Variants in PTPRQ observed in about 807,000 individuals in gnomAD.
PTPRQ encodes the protein phosphatidylinositol phosphatase PTPRQ.
PTPRQ carries 199 observed loss-of-function variants against 246.0 expected under a neutral mutation model. That is an observed-to-expected ratio of 0.81 (90% CI 0.72 to 0.91). The LOEUF (loss-of-function observed/expected upper bound fraction) is 0.91, where lower values mean the gene tolerates loss of function less well. PTPRQ is among the 40% of genes least tolerant of loss of function. PTPRQ has a pLI of 0.00. For synonymous variants in PTPRQ, 869 were observed against 853.2 expected (o/e 1.02, Z -0.32); for missense variants, 2,624 against 2,528.4 (o/e 1.04, Z -0.81).
intron 25 of PTPRQ, chr12:80,561,705 C>G (rs538633170): frequency 6.6e-6 from 1 of 152,240 alleles, no homozygotes; most frequent in African/African-American, 2.4e-5. Context: ...TTGAGATTCT[C>G]TGCGTAGAAA....
chr12:80,494,367 T>C (rs576552500), intron 10 of PTPRQ, among the ~76,000 whole-genome samples: 150 of 152,192 alleles, frequency 9.9e-4, no homozygotes, highest in Non-Finnish European at 2.0e-3. Flanking sequence ...TTGTCAGTTA[T>C]CCAAGCATGC....
rs1893810040 is a variant in PTPRQ, at chr12:80,476,318, T to C, written c.1186+4067T>C. Among the ~76,000 whole-genome samples, 3 of 152,168 alleles carry C rather than the reference T, an allele frequency of 2.0e-5. No homozygotes were observed. The South Asian group carries it at 6.2e-4, about 32-fold the overall frequency. On this transcript the variant is annotated intron_variant, in intron 8 of 44. Coordinates refer to ENST00000644991, the MANE Select transcript of PTPRQ (RefSeq NM_001145026.2). ...TAAATATGATGATGCAAACATGAGC[T>C]CTAGGTACAATATATTTTAGTGAAA...
At chr12:80,610,664 G>A in intron 28 of PTPRQ, 39 bp downstream of exon 28, 1 of 1,535,486 alleles carries the variant, frequency 6.5e-7, no homozygotes, top group Non-Finnish European at 8.8e-7. Context: ...AATTGACTGA[G>A]ATTTAGCTGG....
chr12:80,527,258 A>G (rs1895714608), intron 17 of PTPRQ, among the ~76,000 whole-genome samples: 2 of 152,228 alleles, frequency 1.3e-5, no homozygotes, highest in Non-Finnish European at 2.9e-5. Context: ...TACTATGTAA[A>G]CCCTGTCAAG....
Position 80,679,178 on chromosome 12 carries a change from G to T in PTPRQ, c.*155G>T, listed in dbSNP as rs1901240829. The T allele has an allele frequency of 1.2e-6, 1 of 820,492 alleles. No individual in the cohort carries two copies. The highest frequency in any genetic ancestry group is 1.7e-6 in the Non-Finnish European group (1 of 574,752). The allele number at this position is 820,492 out of a possible 1,614,324, so 50.8% of individuals were successfully genotyped here. Reference sequence around the variant, plus strand: ...AAACGGATTGAACATTTTAAGACTAGTTCTTGAAAATAGCTAATACAGAAT... The same window carrying T: ...AAACGGATTGAACATTTTAAGACTATTTCTTGAAAATAGCTAATACAGAAT... On this transcript the variant is annotated 3_prime_UTR_variant, in exon 45 of 45. Transcript: ENST00000644991.
Position 80,619,377 on chromosome 12 carries a change from T to C in PTPRQ, c.5231-7T>C, listed in dbSNP as rs1455675628. The C allele has an allele frequency of 1.3e-6, 2 of 1,545,994 alleles. No individual in the cohort carries two copies. The highest frequency in any genetic ancestry group is 2.0e-5 in the Admixed American group (1 of 50,682). On this transcript the variant is annotated splice_polypyrimidine_tract_variant and splice_region_variant and intron_variant, in intron 30 of 44. Coordinates refer to ENST00000644991, the MANE Select transcript of PTPRQ (RefSeq NM_001145026.2). ...CAATTGCAGTGATATTTCTTCTTTGTTTATAGCTCCAGCACGACCAAAAAC... is the reference window on the plus strand; with the variant it reads ...CAATTGCAGTGATATTTCTTCTTTGCTTATAGCTCCAGCACGACCAAAAAC...
intron 37 of PTPRQ, among the ~76,000 whole-genome samples, chr12:80,651,492 G>A (rs937725028): frequency 2.6e-5 from 4 of 151,990 alleles, no homozygotes; most frequent in African/African-American, 9.7e-5. Flanking sequence ...TGCAAAAACG[G>A]TCTAACTCAT....
chr12:80,593,669 C>T (rs1235561338), intron 26 of PTPRQ: 2 of 151,878 alleles, frequency 1.3e-5, no homozygotes, highest in Non-Finnish European at 2.9e-5. Context: ...AAATATTTAC[C>T]TTGAAACATT....
At chr12:80,510,278 A>G (rs554093442) in intron 16 of PTPRQ, 45 bp from the exon 17 acceptor site, 1 of 1,384,896 alleles carries the variant, frequency 7.2e-7, no homozygotes, top group African/African-American at 1.5e-5. Flanking sequence ...ACTTTTTCTT[A>G]TATATGTTTA....
At chr12:80,537,560 A>C (rs1454222344) in intron 19 of PTPRQ, among the ~76,000 whole-genome samples, 1 of 152,220 alleles carries the variant, frequency 6.6e-6, no homozygotes, top group Non-Finnish European at 1.5e-5. Context: ...TGAAAGATTT[A>C]AAAAATATTA....
intron 3 of PTPRQ, chr12:80,454,652 C>A (rs2120444050): frequency 1.6e-6 from 1 of 642,750 alleles, no homozygotes; most frequent in Non-Finnish European, 2.8e-6. Context: ...TTGATGCCTA[C>A]TTTGTTGAGG....
intron 26 of PTPRQ, among the ~76,000 whole-genome samples, chr12:80,589,919 T>C (rs2121024378): frequency 6.6e-6 from 1 of 152,316 alleles, no homozygotes; most frequent in Middle Eastern, 3.4e-3. Context: ...TTTTCTCTTC[T>C]TTATCAGCAC....
At chr12:80,568,777 A>G (rs1897053211) in intron 25 of PTPRQ, among the ~76,000 whole-genome samples, 6 of 152,252 alleles carry the variant, frequency 3.9e-5, no homozygotes. Flanking sequence ...GAACAAATGC[A>G]CAATGACCAA....
intron 23 of PTPRQ, among the ~76,000 whole-genome samples, chr12:80,546,077 G>T (rs1243214719): frequency 6.6e-6 from 1 of 152,054 alleles, no homozygotes; most frequent in Admixed American, 6.5e-5. Flanking sequence ...CAGCACTTTG[G>T]GAGGCCGAGG....
intron 26 of PTPRQ, among the ~76,000 whole-genome samples, chr12:80,593,403 G>GA (rs764064313): frequency 6.6e-6 from 1 of 152,158 alleles, no homozygotes; most frequent in Non-Finnish European, 1.5e-5. Context: ...AGATCAGGAA[G>GA]AAAAGTCAGA....
intron 14 of PTPRQ, among the ~76,000 whole-genome samples, chr12:80,503,170 G>T (rs1894855261): frequency 6.6e-6 from 1 of 151,848 alleles, no homozygotes. Context: ...TGATACCCAA[G>T]AGGGCTAAAC....
intron 28 of PTPRQ, among the ~76,000 whole-genome samples, chr12:80,612,523 C>T (rs1307468967): frequency 2.0e-5 from 3 of 150,300 alleles, no homozygotes; most frequent in East Asian, 1.9e-4. Context: ...TAAAATATGG[C>T]GATGATACCC....
intron 25 of PTPRQ, among the ~76,000 whole-genome samples, chr12:80,568,197 T>C (rs781614464): frequency 9.9e-5 from 15 of 152,196 alleles, no homozygotes; most frequent in Non-Finnish European, 2.1e-4. Flanking sequence ...ATTATAAATG[T>C]ATGTGAAAAC....
At chr12:80,472,693 T>G (rs1037647519) in intron 8 of PTPRQ, among the ~76,000 whole-genome samples, 4 of 152,216 alleles carry the variant, frequency 2.6e-5, no homozygotes, top group Non-Finnish European at 4.4e-5. Flanking sequence ...AAGTGAAGAT[T>G]CTGAGTGGAT....
Sources: gnomAD v4.1 joint callset for allele counts (sites outside exome capture counted in the v4.1 genomes callset) on GRCh38, gnomAD v4.1.1 for gene constraint, MANE v1.5 for transcripts, NCBI Gene and HGNC (gene_info 2026-07-23, HGNC 2026-07-21) for gene names.